Variants in SAP30BP observed in about 807,000 individuals in gnomAD.
The protein encoded by SAP30BP is SAP30-binding protein.
Under a neutral mutation model 46.3 loss-of-function variants are expected in SAP30BP, and 31 were observed. That is an observed-to-expected ratio of 0.67 (90% CI 0.50 to 0.90). The LOEUF is 0.90. SAP30BP is among the 40% of genes least tolerant of loss of function. The pLI is 0.00. For synonymous variants in SAP30BP, 169 were observed against 144.2 expected, an observed-to-expected ratio of 1.17 and a Z score of -1.23; for missense variants, 312 against 391.0, an observed-to-expected ratio of 0.80 and a Z score of 1.70.
intron 3 of SAP30BP, among the ~76,000 whole-genome samples, chr17:75,680,985 G>A (rs551381411): frequency 6.6e-6 from 1 of 152,216 alleles, no homozygotes; most frequent in African/African-American, 2.4e-5. Flanking sequence ...TGTGAGCCGA[G>A]ATCTGTACCA....
chr17:75,669,276 C>T (rs1293369876), intron 2 of SAP30BP, among the ~76,000 whole-genome samples: 1 of 151,984 alleles, frequency 6.6e-6, no homozygotes, highest in African/African-American at 2.4e-5. Context: ...CGGAATCTTG[C>T]TCTGTCGCCC....
chr17:75,682,820 A>G (rs967995692), intron 3 of SAP30BP, among the ~76,000 whole-genome samples: 4 of 151,454 alleles, frequency 2.6e-5, no homozygotes, highest in African/African-American at 7.3e-5. Flanking sequence ...AAAATTAGCC[A>G]GACATGGTGG....
intron 5 of SAP30BP, 44 bp from the exon 6 acceptor site, chr17:75,702,436 G>A: frequency 2.5e-6 from 2 of 815,518 alleles, no homozygotes; most frequent in Non-Finnish European, 4.1e-6. Context: ...GGAGGGGTGG[G>A]CTTCTGTCAT....
intron 3 of SAP30BP, chr17:75,691,584 G>A (rs2060242887): frequency 4.6e-6 from 2 of 431,306 alleles, no homozygotes; most frequent in Admixed American, 2.6e-5. Flanking sequence ...CTAACTTCCT[G>A]TGGCTTTGGG....
chr17:75,672,351 G>A (rs1370806797), intron 3 of SAP30BP, among the ~76,000 whole-genome samples: 1 of 152,228 alleles, frequency 6.6e-6, no homozygotes, highest in Non-Finnish European at 1.5e-5. Flanking sequence ...TCCTGGGGGT[G>A]TGTCCATCCA....
chr17:75,679,944 C>T (rs957339421), intron 3 of SAP30BP: 1 of 152,178 alleles, frequency 6.6e-6, no homozygotes, highest in Non-Finnish European at 1.5e-5. Flanking sequence ...CCATTTTTAC[C>T]TCGTTTGCTC....
At chr17:75,698,045 C>G (rs1386595254) in intron 4 of SAP30BP, among the ~76,000 whole-genome samples, 1 of 152,234 alleles carries the variant, frequency 6.6e-6, no homozygotes, top group African/African-American at 2.4e-5. Flanking sequence ...GCTCTTTGCT[C>G]ATTGTATGAT....
At chr17:75,684,185 G>A (rs1192098925) in intron 3 of SAP30BP, 1 of 152,198 alleles carries the variant, frequency 6.6e-6, no homozygotes, top group Non-Finnish European at 1.5e-5. Context: ...GCCATTTATT[G>A]GGTGAGCTGC....
intron 2 of SAP30BP, among the ~76,000 whole-genome samples, chr17:75,669,879 G>A (rs747580340): frequency 9.2e-5 from 14 of 152,192 alleles, no homozygotes; most frequent in Non-Finnish European, 1.5e-4. Flanking sequence ...TGCAGAAAAC[G>A]CAAGGAAATT....
At position 75,703,454 on chromosome 17, in the gene SAP30BP, A is replaced by G. The variant is rs951359731; in HGVS notation, c.549+83A>G. ...TCCATGGGATTTGACCTGCAGCCACAGAAAGGTCCACGTGGTGGCACGGCT... is the reference window on the plus strand; with the variant it reads ...TCCATGGGATTTGACCTGCAGCCACGGAAAGGTCCACGTGGTGGCACGGCT... On this transcript the variant is annotated intron_variant, in intron 7 of 10. Coordinates refer to ENST00000584667, the MANE Select transcript of SAP30BP (RefSeq NM_013260.8). 6.4e-6 allele frequency: 8 copies of G among 1,253,674 alleles called. No individual in the cohort carries two copies. In the Admixed American group the frequency reaches 1.1e-4, roughly 17 times the overall value. 77.7% of individuals were successfully genotyped at this position (1,253,674 alleles called of 1,614,324 possible).
At chr17:75,699,604 C>A (rs921576563) in intron 4 of SAP30BP, among the ~76,000 whole-genome samples, 179 bp from the exon 5 acceptor site, 2 of 152,300 alleles carry the variant, frequency 1.3e-5, no homozygotes, top group Admixed American at 6.5e-5. Context: ...CCACCCCTTC[C>A]GGTCATTCAG....
intron 3 of SAP30BP, among the ~76,000 whole-genome samples, chr17:75,680,497 G>A (rs745381663): frequency 1.3e-5 from 2 of 152,132 alleles, no homozygotes; most frequent in Non-Finnish European, 2.9e-5. Context: ...AGCTTCACTC[G>A]GCTCCATTTG....
At chr17:75,704,368 G>A (rs1440847742) in intron 8 of SAP30BP, among the ~76,000 whole-genome samples, 1 of 152,216 alleles carries the variant, frequency 6.6e-6, no homozygotes, top group East Asian at 1.9e-4. Flanking sequence ...ATCTTGGCCT[G>A]TAGAGGTGCT....
At position 75,681,456 on chromosome 17, in the gene SAP30BP, C is replaced by T. The variant is rs907947290; in HGVS notation, c.264+9593C>T. On this transcript the variant is annotated intron_variant, in intron 3 of 10. Transcript: ENST00000584667. ...AGTCTAGATGAGGATTTGTATTGGG[C>T]AGAGCTGACTCGGTAATTCCCTCAC... Among the ~76,000 whole-genome samples, 7 of 152,320 alleles carry T rather than the reference C, an allele frequency of 4.6e-5. No individual in the cohort carries two copies. The South Asian group carries it at 8.3e-4, about 18-fold the overall frequency.
chr17:75,681,571 G>A (rs1463964147), intron 3 of SAP30BP, among the ~76,000 whole-genome samples: 2 of 152,210 alleles, frequency 1.3e-5, no homozygotes, highest in Non-Finnish European at 2.9e-5. Context: ...CTGCCTAAGG[G>A]GCTAATCTCC....
intron 4 of SAP30BP, among the ~76,000 whole-genome samples, chr17:75,696,563 AAAAG>A (rs764137406): frequency 2.0e-5 from 3 of 151,232 alleles, no homozygotes; most frequent in Non-Finnish European, 3.0e-5. Flanking sequence ...AAAAAAAAAG[AAAAG>A]AAACAGAAAT....
Position 75,692,250 on chromosome 17 carries a change from C to T in SAP30BP, c.265-1190C>T, listed in dbSNP as rs985812151. ...GGTTCAGTGTGGGGAACTGGGTGGC[C>T]TTCCTGGCACCTTCCTTTTGGAGCC... On this transcript the variant is annotated intron_variant, in intron 3 of 10. Transcript: ENST00000584667. The T allele has an allele frequency of 4.1e-6, 4 of 985,486 alleles. No homozygotes were observed. In the Admixed American group the frequency reaches 1.8e-4, roughly 45 times the overall value. The allele number at this position is 985,486 out of a possible 1,614,324, so 61.0% of individuals were successfully genotyped here. A position where few individuals can be genotyped will look rare whatever the true frequency, so the allele number is the denominator to read the frequency against.
intron 5 of SAP30BP, among the ~76,000 whole-genome samples, chr17:75,700,938 G>A (rs1402218125): frequency 6.6e-6 from 1 of 152,152 alleles, no homozygotes; most frequent in Non-Finnish European, 1.5e-5. Context: ...TGATCTTATG[G>A]CCCAGGAGAC....
chr17:75,670,321 T>TA (rs74801867), intron 2 of SAP30BP, among the ~76,000 whole-genome samples: 97 of 144,860 alleles, frequency 6.7e-4, no homozygotes, highest in Middle Eastern at 3.5e-3. Flanking sequence ...GACTCCATCT[T>TA]AAAAAAAAAA....
Sources: allele counts gnomAD v4.1 joint callset (sites outside exome capture counted in the v4.1 genomes callset), GRCh38; gene constraint gnomAD v4.1.1; transcripts MANE v1.5; gene names NCBI Gene and HGNC (gene_info 2026-07-23, HGNC 2026-07-21).